Variants in L3MBTL4 observed in about 807,000 individuals in gnomAD.
L3MBTL4 encodes L3MBTL histone methyl-lysine binding protein 4.
Under a neutral mutation model 84.5 loss-of-function variants are expected in L3MBTL4, and 70 were observed. The observed-to-expected ratio is 0.83, with a 90% CI of 0.68 to 1.01. L3MBTL4 has a LOEUF of 1.01. Among genes scored for constraint, L3MBTL4 ranks in the 50% least tolerant of loss-of-function variants. The probability of loss-of-function intolerance (pLI) is 0.00; values close to 1 mark genes in which losing one functional copy is unlikely to be tolerated. For synonymous variants in L3MBTL4, 274 were observed against 259.8 expected (o/e 1.05, Z -0.52); for missense variants, 715 against 754.8 (o/e 0.95, Z 0.62).
At chr18:6,320,787 C>A (rs1177850493) in intron 1 of L3MBTL4, among the ~76,000 whole-genome samples, 1 of 152,056 alleles carries the variant, frequency 6.6e-6, no homozygotes, top group Non-Finnish European at 1.5e-5. Flanking sequence ...ATAACCAAAG[C>A]AACCCTAAGC....
chr18:6,042,918 A>C (rs1568024503), intron 16 of L3MBTL4, among the ~76,000 whole-genome samples: 1 of 152,136 alleles, frequency 6.6e-6, no homozygotes, highest in Non-Finnish European at 1.5e-5. Context: ...GGCCTCTCAA[A>C]ATGGTACACA....
chr18:6,087,663 G>A (rs1039543791), intron 15 of L3MBTL4, among the ~76,000 whole-genome samples: 1 of 152,134 alleles, frequency 6.6e-6, no homozygotes, highest in South Asian at 2.1e-4. Context: ...TATTATCTTA[G>A]ACCAAATAAA....
intron 16 of L3MBTL4, among the ~76,000 whole-genome samples, chr18:6,004,009 A>C (rs1004826803): frequency 3.0e-4 from 45 of 152,088 alleles, no homozygotes; most frequent in African/African-American, 1.1e-3. Flanking sequence ...TTCCAGAATG[A>C]AGAGAATTAA....
chr18:5,996,539 G>A (rs1318129136), intron 16 of L3MBTL4, among the ~76,000 whole-genome samples: 2 of 152,188 alleles, frequency 1.3e-5, no homozygotes, highest in African/African-American at 2.4e-5. Context: ...TAGCAGCTGT[G>A]GCTATGGTAG....
chr18:6,015,505 A>C (rs1361746655), intron 16 of L3MBTL4, among the ~76,000 whole-genome samples: 2 of 152,166 alleles, frequency 1.3e-5, no homozygotes, highest in Non-Finnish European at 2.9e-5. Context: ...CTAGAACAAC[A>C]CTTCCTTTAT....
At chr18:6,414,944 TG>T (rs1364422331), upstream of L3MBTL4, 2 of 148,994 alleles carry the variant, frequency 1.3e-5, no homozygotes, top group South Asian at 2.1e-4. The surrounding 1 kb of genome is among the most constrained non-coding windows in gnomAD (Gnocchi z 5.4). Flanking sequence ...ACGCGCGGGG[TG>T]GGGGCGCGGG....
At chr18:6,042,115 T>C (rs879575691) in intron 16 of L3MBTL4, among the ~76,000 whole-genome samples, 1 of 152,160 alleles carries the variant, frequency 6.6e-6, no homozygotes, top group Non-Finnish European at 1.5e-5. Context: ...ACAGAGGATG[T>C]GGCCTCATGC....
chr18:6,207,693 A>G (rs1339783221), intron 12 of L3MBTL4, among the ~76,000 whole-genome samples: 1 of 152,180 alleles, frequency 6.6e-6, no homozygotes, highest in Non-Finnish European at 1.5e-5. Context: ...TTCCCAAATG[A>G]AGACAGCCAT....
chr18:6,265,430 G>T (rs917988254), intron 4 of L3MBTL4, among the ~76,000 whole-genome samples: 8 of 152,154 alleles, frequency 5.3e-5, no homozygotes, highest in South Asian at 2.1e-4. Context: ...ACTGATAAAA[G>T]TTGATGGTAA....
intron 16 of L3MBTL4, among the ~76,000 whole-genome samples, chr18:5,985,123 T>G (rs891468854): frequency 2.0e-5 from 3 of 152,110 alleles, no homozygotes; most frequent in Admixed American, 6.6e-5. Flanking sequence ...TCTTACCTAC[T>G]CAAGGTTCAA....
chr18:6,106,563 A>T (rs926096210), intron 14 of L3MBTL4, among the ~76,000 whole-genome samples: 1 of 152,218 alleles, frequency 6.6e-6, no homozygotes, highest in African/African-American at 2.4e-5. Flanking sequence ...ATAATTTCTT[A>T]TGGGGACAAG....
chr18:6,311,849 C>A (rs543775152), intron 2 of L3MBTL4, 149 bp downstream of exon 2: 4 of 411,142 alleles, frequency 9.7e-6, no homozygotes, highest in African/African-American at 4.1e-5. Context: ...GAGGGCAATG[C>A]GTTTACTACC....
At chr18:6,003,015 T>C (rs1274420359) in intron 16 of L3MBTL4, among the ~76,000 whole-genome samples, 3 of 149,602 alleles carry the variant, frequency 2.0e-5, no homozygotes, top group Admixed American at 6.6e-5. Flanking sequence ...GGATATTCCA[T>C]GCAAAAAGTA....
chr18:6,095,688 T>G (rs921000007), intron 14 of L3MBTL4, among the ~76,000 whole-genome samples: 18 of 152,006 alleles, frequency 1.2e-4, no homozygotes, highest in Non-Finnish European at 2.9e-5. Flanking sequence ...AAAGAAAATA[T>G]GAAGGAAACC....
At chr18:6,161,252 G>A (rs1006074032) in intron 13 of L3MBTL4, among the ~76,000 whole-genome samples, 4 of 152,146 alleles carry the variant, frequency 2.6e-5, no homozygotes, top group Non-Finnish European at 4.4e-5. Flanking sequence ...CTGGCAGCAG[G>A]GTACCAGGGT....
intron 16 of L3MBTL4, among the ~76,000 whole-genome samples, chr18:6,023,326 T>C (rs546179621): frequency 6.1e-4 from 93 of 152,304 alleles, no homozygotes; most frequent in South Asian, 2.1e-3. Flanking sequence ...TGATTCATGA[T>C]GTGGAAAGAT....
At chr18:6,388,451 T>G (rs948760677) in intron 1 of L3MBTL4, among the ~76,000 whole-genome samples, 1 of 152,164 alleles carries the variant, frequency 6.6e-6, no homozygotes, top group Non-Finnish European at 1.5e-5. Context: ...CATCACACCA[T>G]AAAATATTAG....
At chr18:6,373,524 C>A (rs1389388320) in intron 1 of L3MBTL4, among the ~76,000 whole-genome samples, 1 of 152,142 alleles carries the variant, frequency 6.6e-6, no homozygotes, top group Non-Finnish European at 1.5e-5. Context: ...CCTGCACACA[C>A]CCCTACACAC....
At chr18:6,386,867 G>A (rs537215560) in intron 1 of L3MBTL4, among the ~76,000 whole-genome samples, 3 of 152,284 alleles carry the variant, frequency 2.0e-5, no homozygotes, top group African/African-American at 4.8e-5. Flanking sequence ...ACATGAGAAT[G>A]AGACTAAAGG....
Sources: allele counts gnomAD v4.1 joint callset (sites outside exome capture counted in the v4.1 genomes callset), GRCh38; gene constraint gnomAD v4.1.1; non-coding constraint Gnocchi (gnomAD v3.1); transcripts MANE v1.5; gene names NCBI Gene and HGNC (gene_info 2026-07-23, HGNC 2026-07-21).